Variants in STAU2 observed in about 807,000 individuals in gnomAD.
STAU2 encodes double-stranded RNA-binding protein Staufen homolog 2.
A neutral mutation model predicts 65.9 loss-of-function variants in STAU2; 20 were observed. That is an observed-to-expected ratio of 0.30 (90% CI 0.21 to 0.44). STAU2 has a LOEUF of 0.44. STAU2 is among the 20% of genes least tolerant of loss of function. The probability of loss-of-function intolerance (pLI) is 1.00; values close to 1 mark genes in which losing one functional copy is unlikely to be tolerated. For synonymous variants in STAU2, 232 were observed against 233.9 expected, an observed-to-expected ratio of 0.99 and a Z score of 0.07; for missense variants, 558 against 683.9, an observed-to-expected ratio of 0.82 and a Z score of 2.05.
chr8:73,739,732 T>C, intron 2 of STAU2, 24 bp downstream of exon 2: 1 of 1,481,312 alleles, frequency 6.8e-7, no homozygotes, highest in Non-Finnish European at 8.9e-7. Flanking sequence ...GAATTTGAGT[T>C]TTAGTCAAAG....
chr8:73,686,383 T>C (rs1454540176), intron 5 of STAU2, among the ~76,000 whole-genome samples: 1 of 152,100 alleles, frequency 6.6e-6, no homozygotes, highest in East Asian at 1.9e-4. Flanking sequence ...ACCCCGTCTC[T>C]ACTAAAAATA....
At chr8:73,630,619 T>C (rs944209115) in intron 6 of STAU2, among the ~76,000 whole-genome samples, 1 of 152,240 alleles carries the variant, frequency 6.6e-6, no homozygotes, top group Admixed American at 6.5e-5. Context: ...CATGACATCC[T>C]ACTATTCCCA....
Position 73,739,779 on chromosome 8 carries a change from C to G in STAU2, c.-107G>C. On this transcript the variant is annotated 5_prime_UTR_variant, in exon 2 of 15. Transcript: ENST00000524300. ...ACCTTCTGAGCCTTGGTTCAAATTA[C>G]TTTGTGTATCTTTGAGTTCTTCTTT... 1 of 1,520,848 alleles carries G rather than the reference C, an allele frequency of 6.6e-7. No individual in the cohort carries two copies. Among genetic ancestry groups the G allele is most frequent in the Non-Finnish European group, 8.7e-7 (1 of 1,142,894 alleles). The allele number at this position is 1,520,848 out of a possible 1,614,324, so 94.2% of individuals were successfully genotyped here. A position where few individuals can be genotyped will look rare whatever the true frequency, so the allele number is the denominator to read the frequency against.
intron 13 of STAU2, among the ~76,000 whole-genome samples, chr8:73,537,142 G>A (rs926787772): frequency 6.6e-6 from 1 of 152,070 alleles, no homozygotes; most frequent in African/African-American, 2.4e-5. Flanking sequence ...ACAGAAGAAA[G>A]TATCACTGAA....
chr8:73,597,669 C>CAAAAA (rs34461371), intron 10 of STAU2, among the ~76,000 whole-genome samples: 19 of 55,862 alleles, frequency 3.4e-4, no homozygotes, highest in Admixed American at 6.0e-4. Flanking sequence ...GTCTCTGTCT[C>CAAAAA]AAAAAAAAAA....
At chr8:73,463,443 T>A (rs1392249340) in intron 13 of STAU2, among the ~76,000 whole-genome samples, 1 of 152,226 alleles carries the variant, frequency 6.6e-6, no homozygotes, top group Non-Finnish European at 1.5e-5. Flanking sequence ...TGAGTACTTG[T>A]TCATAAAGGA....
intron 10 of STAU2, among the ~76,000 whole-genome samples, chr8:73,597,061 A>C (rs1811237428): frequency 6.6e-6 from 1 of 152,132 alleles, no homozygotes; most frequent in Admixed American, 6.5e-5. Context: ...AATGAGCTAA[A>C]CATCCACCTC....
intron 5 of STAU2, among the ~76,000 whole-genome samples, chr8:73,674,273 C>G (rs1213719889): frequency 6.6e-6 from 1 of 151,600 alleles, no homozygotes; most frequent in Non-Finnish European, 1.5e-5. Context: ...GGAGCAATCT[C>G]TAAAATCGAA....
At chr8:73,462,879 CAA>C (rs563437693) in intron 13 of STAU2, among the ~76,000 whole-genome samples, 28 of 152,196 alleles carry the variant, frequency 1.8e-4, no homozygotes, top group African/African-American at 6.7e-4. Context: ...GTATACACAG[CAA>C]AGACTATGGG....
intron 13 of STAU2, chr8:73,441,394 G>C (rs547090200): frequency 2.0e-5 from 3 of 151,908 alleles, no homozygotes; most frequent in African/African-American, 7.3e-5. Flanking sequence ...ACAAAAATTT[G>C]CCGGGTGTGG....
chr8:73,430,693 A>G (rs967177834), intron 13 of STAU2, among the ~76,000 whole-genome samples: 3 of 152,362 alleles, frequency 2.0e-5, no homozygotes, highest in African/African-American at 7.2e-5. Context: ...TTAACAGTCC[A>G]CAAAAATGTT....
chr8:73,692,442 C>G (rs1819395005), intron 4 of STAU2, among the ~76,000 whole-genome samples: 1 of 152,200 alleles, frequency 6.6e-6, no homozygotes, highest in East Asian at 1.9e-4. Flanking sequence ...GTGATCCACC[C>G]ACCTCAGCCT....
intron 13 of STAU2, among the ~76,000 whole-genome samples, chr8:73,515,142 C>A (rs1822633602): frequency 6.6e-6 from 1 of 151,872 alleles, no homozygotes; most frequent in Admixed American, 6.6e-5. Flanking sequence ...GCCATGAAAA[C>A]TGAAAATAAA....
At chr8:73,473,034 AT>A (rs1394154762) in intron 13 of STAU2, among the ~76,000 whole-genome samples, 2 of 152,242 alleles carry the variant, frequency 1.3e-5, no homozygotes, top group Non-Finnish European at 2.9e-5. Flanking sequence ...TCAGAAAAAA[AT>A]ATAACACTCC....
chr8:73,530,607 C>T (rs1805750379), intron 13 of STAU2, among the ~76,000 whole-genome samples: 1 of 152,064 alleles, frequency 6.6e-6, no homozygotes, highest in Non-Finnish European at 1.5e-5. Context: ...ACTGTAGGCC[C>T]TTTTTGAATA....
intron 6 of STAU2, among the ~76,000 whole-genome samples, chr8:73,635,756 C>G (rs532280634): frequency 3.3e-5 from 5 of 151,514 alleles, no homozygotes; most frequent in African/African-American, 1.2e-4. Flanking sequence ...ACCCAGGAGG[C>G]AGAGGTTGCA....
chr8:73,570,983 G>A (rs1461203810), intron 12 of STAU2, among the ~76,000 whole-genome samples: 2 of 152,154 alleles, frequency 1.3e-5, no homozygotes, highest in Non-Finnish European at 2.9e-5. Context: ...CCATCAGTGT[G>A]CTGTATTCAG....
intron 13 of STAU2, among the ~76,000 whole-genome samples, chr8:73,434,612 G>C (rs559112196): frequency 6.6e-6 from 1 of 151,752 alleles, no homozygotes; most frequent in Non-Finnish European, 1.5e-5. Context: ...TAAGCTGAAG[G>C]CTACGTGACT....
At chr8:73,546,123 C>CTTTTTTT (rs71561528) in intron 13 of STAU2, among the ~76,000 whole-genome samples, 305 of 93,274 alleles carry the variant, frequency 3.3e-3, no homozygotes, top group Middle Eastern at 0.015. Flanking sequence ...GTTTGGTTTT[C>CTTTTTTT]TTTTTTTTTT....
Sources: allele counts gnomAD v4.1 joint callset (sites outside exome capture counted in the v4.1 genomes callset), GRCh38; gene constraint gnomAD v4.1.1; transcripts MANE v1.5; gene names NCBI Gene and HGNC (gene_info 2026-07-23, HGNC 2026-07-21).